The following RIN2 variants were observed in gnomAD, a reference collection of about 807,000 sequenced individuals.
RIN2 encodes the protein RAB5 interacting protein 2.
A neutral mutation model predicts 78.0 loss-of-function variants in RIN2; 36 were observed. The observed-to-expected ratio is 0.46, with a 90% CI of 0.35 to 0.61. The LOEUF (loss-of-function observed/expected upper bound fraction) is 0.61. Ranked by LOEUF, RIN2 falls within the 20% of genes least tolerant of loss-of-function variation. RIN2 has a pLI of 0.00. For synonymous variants in RIN2, 466 were observed against 466.8 expected (o/e 1.00, Z 0.02); for missense variants, 1,087 against 1,159.7 (o/e 0.94, Z 0.91).
At chr20:19,788,432 C>CAAAAAAAAAAAAAAAACAAAAAA (rs1316215614) in intron 1 of RIN2, among the ~76,000 whole-genome samples, 2 of 53,744 alleles carry the variant, frequency 3.7e-5, no homozygotes, top group African/African-American at 2.2e-4. Context: ...CTGTCTCTGC[C>CAAAAAAAAAAAAAAAACAAAAAA]AAAAAAAAAA....
intron 2 of RIN2, among the ~76,000 whole-genome samples, chr20:19,857,588 C>T (rs1330929793): frequency 6.6e-6 from 1 of 152,164 alleles, no homozygotes; most frequent in Admixed American, 6.5e-5. Flanking sequence ...TTTATTCCCA[C>T]CAACACCATA....
chr20:19,770,873 AC>A (rs57943156), intron 1 of RIN2, among the ~76,000 whole-genome samples: 19,949 of 112,222 alleles, frequency 0.18, 924 homozygotes, highest in East Asian at 0.27. Context: ...GACTGCCCCC[AC>A]CCCCCCCCCC....
chr20:19,844,650 T>TC (rs1255425091), intron 2 of RIN2, among the ~76,000 whole-genome samples: 11 of 127,038 alleles, frequency 8.7e-5, no homozygotes, highest in African/African-American at 3.2e-4. Context: ...TTCTTCTTCT[T>TC]CTTCTTCTTC....
intron 2 of RIN2, chr20:19,872,156 A>G (rs770137594): frequency 4.0e-5 from 6 of 151,272 alleles, no homozygotes; most frequent in Non-Finnish European, 8.8e-5. Flanking sequence ...CTCCTTTTTC[A>G]CTCGTCTCTC....
At chr20:19,873,754 G>A (rs1018865800) in intron 2 of RIN2, among the ~76,000 whole-genome samples, 4 of 152,056 alleles carry the variant, frequency 2.6e-5, no homozygotes, top group Non-Finnish European at 5.9e-5. Context: ...ATCTCTGTGG[G>A]CAACATTCAT....
intron 3 of RIN2, among the ~76,000 whole-genome samples, chr20:19,915,587 A>T (rs1275578723): frequency 6.6e-6 from 1 of 152,218 alleles, no homozygotes; most frequent in African/African-American, 2.4e-5. Flanking sequence ...GTCTCAGCAG[A>T]TGTCCGCATC....
At chr20:19,824,385 A>T (rs572512548) in intron 2 of RIN2, among the ~76,000 whole-genome samples, 1 of 152,222 alleles carries the variant, frequency 6.6e-6, no homozygotes, top group South Asian at 2.1e-4. Flanking sequence ...CATCCTTATT[A>T]TTATTTAAGG....
intron 9 of RIN2, among the ~76,000 whole-genome samples, chr20:19,977,484 A>G (rs2042315966): frequency 6.6e-6 from 1 of 152,210 alleles, no homozygotes; most frequent in Admixed American, 6.5e-5. Flanking sequence ...AGCTTCGAGT[A>G]TAAGCCCGGC....
At chr20:19,824,037 C>T (rs1364064418) in intron 2 of RIN2, 9 of 720,152 alleles carry the variant, frequency 1.2e-5, no homozygotes, top group East Asian at 8.1e-5. Context: ...GAGAGAGCTG[C>T]TCTGCCTGCT....
At chr20:19,796,897 G>C (rs2035074355) in intron 1 of RIN2, among the ~76,000 whole-genome samples, 1 of 152,228 alleles carries the variant, frequency 6.6e-6, no homozygotes, top group South Asian at 2.1e-4. Flanking sequence ...AAGGTATGAA[G>C]ATGGTCAGGG....
At chr20:19,863,095 A>T (rs1568553002) in intron 2 of RIN2, among the ~76,000 whole-genome samples, 1 of 152,182 alleles carries the variant, frequency 6.6e-6, no homozygotes, top group Non-Finnish European at 1.5e-5. Flanking sequence ...GCTTTGTCAA[A>T]TCAATCTGAA....
At position 19,819,326 on chromosome 20, in the gene RIN2, C is replaced by T. The variant is rs2035863033; in HGVS notation, c.-37+19579C>T. ...GAAGAACCAGCAAGCTCTCTGGTGT[C>T]TCTTCTTTGAGGGCACTAATCCCAT... On this transcript the variant is annotated intron_variant, in intron 2 of 12. Transcript: ENST00000255006. 2.0e-5 allele frequency among the ~76,000 whole-genome samples: 3 copies of T among 152,168 alleles called. No individual in the cohort carries two copies. In the South Asian group the frequency reaches 6.2e-4, roughly 32 times the overall value.
chr20:19,881,462 T>C (rs1055433333), intron 2 of RIN2, among the ~76,000 whole-genome samples: 1 of 152,144 alleles, frequency 6.6e-6, no homozygotes, highest in African/African-American at 2.4e-5. Context: ...GTACATGAGA[T>C]TCCAGGCAAG....
intron 3 of RIN2, among the ~76,000 whole-genome samples, chr20:19,891,485 G>A (rs1007616779): frequency 4.6e-5 from 7 of 152,154 alleles, no homozygotes; most frequent in Non-Finnish European, 8.8e-5. Flanking sequence ...CAGTGGAGCC[G>A]TATCTTACAT....
intron 2 of RIN2, among the ~76,000 whole-genome samples, chr20:19,879,908 C>A (rs1272046531): frequency 6.6e-6 from 1 of 152,114 alleles, no homozygotes. Flanking sequence ...CACATGGACT[C>A]CCTAAACTCT....
At chr20:19,867,253 G>A (rs1170923256) in intron 2 of RIN2, among the ~76,000 whole-genome samples, 2 of 152,108 alleles carry the variant, frequency 1.3e-5, no homozygotes, top group Admixed American at 6.6e-5. Flanking sequence ...AGTTGCATGA[G>A]TCACGCCTCT....
At chr20:19,855,206 C>G (rs1016430857) in intron 2 of RIN2, among the ~76,000 whole-genome samples, 10 of 152,026 alleles carry the variant, frequency 6.6e-5, no homozygotes, top group African/African-American at 2.4e-4. Context: ...TATGTTGAAC[C>G]AGCCTTGCAT....
intron 2 of RIN2, among the ~76,000 whole-genome samples, chr20:19,801,091 T>C (rs73291582): frequency 0.015 from 2,272 of 152,272 alleles, 64 homozygotes; most frequent in African/African-American, 0.052. Context: ...AGAGAACTAT[T>C]TCTGCACAAT....
intron 2 of RIN2, among the ~76,000 whole-genome samples, chr20:19,858,917 A>G (rs1209051440): frequency 1.3e-5 from 2 of 152,206 alleles, no homozygotes; most frequent in African/African-American, 4.8e-5. Flanking sequence ...CGGGACATGC[A>G]GGGAGAAGGC....
Sources: allele counts gnomAD v4.1 joint callset (sites outside exome capture counted in the v4.1 genomes callset), GRCh38; gene constraint gnomAD v4.1.1; transcripts MANE v1.5; gene names NCBI Gene and HGNC (gene_info 2026-07-23, HGNC 2026-07-21).